MACROD2: variants seen among roughly 807,000 people sequenced by gnomAD.
MACROD2 encodes the protein mono-ADP ribosylhydrolase 2, also known as ADP-ribose glycohydrolase MACROD2.
In MACROD2, 36 loss-of-function variants were observed where a neutral mutation model predicts 70.4. That is an observed-to-expected ratio of 0.51 (90% CI 0.39 to 0.68). MACROD2 has a LOEUF of 0.68. Ranked by LOEUF, MACROD2 falls within the 30% of genes least tolerant of loss-of-function variation. MACROD2 has a pLI of 0.00. For missense variants in MACROD2, 496 were observed against 538.4 expected, an observed-to-expected ratio of 0.92 and a Z score of 0.78; for synonymous variants, 172 against 178.8, an observed-to-expected ratio of 0.96 and a Z score of 0.30.
intron 6 of MACROD2, among the ~76,000 whole-genome samples, chr20:15,410,405 G>A (rs940696224): frequency 2.0e-5 from 3 of 151,980 alleles, no homozygotes; most frequent in Non-Finnish European, 4.4e-5. Flanking sequence ...ACCTTCCTTC[G>A]GTATATTTGA....
chr20:14,424,039 G>A (rs1349091218), intron 3 of MACROD2, among the ~76,000 whole-genome samples: 1 of 151,990 alleles, frequency 6.6e-6, no homozygotes, highest in Admixed American at 6.5e-5. Context: ...TGGGATTACA[G>A]GCATGAGCCA....
intron 5 of MACROD2, among the ~76,000 whole-genome samples, chr20:14,705,827 G>A (rs2071262222): frequency 6.6e-6 from 1 of 152,036 alleles, no homozygotes; most frequent in South Asian, 2.1e-4. Context: ...TAGATGTTTT[G>A]CTTCAAGTAT....
rs139588236 is a variant in MACROD2 at position 15,444,884 on chromosome 20, T to G, written c.571+13449T>G. On this transcript the variant is annotated intron_variant, in intron 7 of 17. Coordinates refer to ENST00000684519, the MANE Select transcript of MACROD2 (RefSeq NM_001351661.2). Reference sequence around the variant, plus strand: ...AATAATGCCTATATCATGGGGTTGTTGCAAAGATTAATTGGATAATGCATT... The same window carrying G: ...AATAATGCCTATATCATGGGGTTGTGGCAAAGATTAATTGGATAATGCATT... Among the ~76,000 whole-genome samples, 16 of 152,262 alleles carry G rather than the reference T, an allele frequency of 1.1e-4. No individual in the cohort carries two copies. In the East Asian group the frequency reaches 2.9e-3, roughly 28 times the overall value.
At chr20:15,578,793 G>T (rs73897702) in intron 8 of MACROD2, among the ~76,000 whole-genome samples, 7,092 of 152,094 alleles carry the variant, frequency 0.047, 378 homozygotes, top group African/African-American at 0.12. Context: ...TGCATCTTCA[G>T]GTACTTTATG....
chr20:15,012,169 T>C (rs572997089), intron 5 of MACROD2, among the ~76,000 whole-genome samples: 2 of 152,172 alleles, frequency 1.3e-5, no homozygotes, highest in African/African-American at 4.8e-5. Context: ...TCTTAATTGG[T>C]GGTGGGAACT....
At chr20:15,397,498 C>T (rs2045875233) in intron 6 of MACROD2, among the ~76,000 whole-genome samples, 1 of 152,040 alleles carries the variant, frequency 6.6e-6, no homozygotes, top group Admixed American at 6.6e-5. Context: ...CAGGTTTTCA[C>T]CAAGTTGCTC....
At chr20:15,250,736 C>T (rs546680519) in intron 6 of MACROD2, among the ~76,000 whole-genome samples, 9 of 152,264 alleles carry the variant, frequency 5.9e-5, no homozygotes, top group African/African-American at 2.2e-4. Flanking sequence ...GATCTCAGCT[C>T]TGTCTTCTCT....
At chr20:15,595,271 AC>A (rs1194894772) in intron 8 of MACROD2, among the ~76,000 whole-genome samples, 3 of 152,222 alleles carry the variant, frequency 2.0e-5, no homozygotes, top group Admixed American at 6.5e-5. Context: ...AATTTATGTT[AC>A]GTATAGTTCA....
At chr20:15,647,722 ATTT>A (rs34556344) in intron 8 of MACROD2, among the ~76,000 whole-genome samples, 2 of 142,462 alleles carry the variant, frequency 1.4e-5, no homozygotes, top group Admixed American at 7.1e-5. Context: ...ACAATAGATG[ATTT>A]TTTTTTTTTT....
intron 5 of MACROD2, among the ~76,000 whole-genome samples, chr20:14,685,430 G>A (rs1166488905): frequency 1.3e-5 from 2 of 152,162 alleles, no homozygotes; most frequent in Non-Finnish European, 2.9e-5. Flanking sequence ...TACAGCCAAG[G>A]CATCTGTCAC....
chr20:15,914,210 G>A (rs1351393840), intron 10 of MACROD2, among the ~76,000 whole-genome samples: 1 of 152,154 alleles, frequency 6.6e-6, no homozygotes, highest in Non-Finnish European at 1.5e-5. Flanking sequence ...ACAGAGAATC[G>A]GTCCCAGAAT....
intron 3 of MACROD2, among the ~76,000 whole-genome samples, chr20:14,299,967 G>C (rs948555625): frequency 3.3e-5 from 5 of 152,050 alleles, no homozygotes; most frequent in Non-Finnish European, 5.9e-5. Flanking sequence ...ATTTAGGATT[G>C]TAATGTCACA....
At chr20:15,841,583 AT>A (rs2064170939) in intron 8 of MACROD2, among the ~76,000 whole-genome samples, 1 of 152,120 alleles carries the variant, frequency 6.6e-6, no homozygotes, top group Admixed American at 6.6e-5. Context: ...AAGAACTCAC[AT>A]TGTGAGAACA....
At chr20:15,652,476 C>T (rs781650461) in intron 8 of MACROD2, among the ~76,000 whole-genome samples, 16 of 152,028 alleles carry the variant, frequency 1.1e-4, no homozygotes, top group Admixed American at 5.9e-4. Context: ...TAGAAAAGAT[C>T]GAAAAGAGAA....
intron 6 of MACROD2, among the ~76,000 whole-genome samples, chr20:15,401,015 G>A (rs6110592): frequency 6.6e-6 from 1 of 151,990 alleles, no homozygotes; most frequent in East Asian, 1.9e-4. Flanking sequence ...CGGCAACTCA[G>A]GTAACGGATC....
At chr20:15,571,771 G>T (rs1236253419) in intron 8 of MACROD2, among the ~76,000 whole-genome samples, 1 of 152,086 alleles carries the variant, frequency 6.6e-6, no homozygotes, top group African/African-American at 2.4e-5. Context: ...TATTCTTAGA[G>T]AACTAATCTG....
At chr20:14,156,372 T>C (rs950365907) in intron 3 of MACROD2, among the ~76,000 whole-genome samples, 1 of 152,172 alleles carries the variant, frequency 6.6e-6, no homozygotes, top group Admixed American at 6.5e-5. Context: ...ACTATTTGCG[T>C]TTGCGGTATT....
chr20:14,580,339 AC>A (rs1191978341), intron 4 of MACROD2, among the ~76,000 whole-genome samples: 1 of 152,166 alleles, frequency 6.6e-6, no homozygotes, highest in Non-Finnish European at 1.5e-5. Context: ...ATCCGTACAG[AC>A]TTAATATGCA....
chr20:14,964,079 AT>A lies in MACROD2; in HGVS notation c.419-265853del, dbSNP rs1001695761. On this transcript the variant is annotated intron_variant, in intron 5 of 17. Coordinates refer to ENST00000684519, the MANE Select transcript of MACROD2 (RefSeq NM_001351661.2). ...TTTTTTTTCTTCTCTGTATAAGGTGATTTTTTTTCTTCTCTGTATAACAAAT... is the reference window on the plus strand; with the variant it reads ...TTTTTTTTCTTCTCTGTATAAGGTGATTTTTTTCTTCTCTGTATAACAAAT... Among the ~76,000 whole-genome samples the A allele has an allele frequency of 2.8e-4, 43 of 151,578 alleles. 1 individual carries two copies. Among genetic ancestry groups the A allele is most frequent in the Non-Finnish European group, 5.3e-4 (36 of 67,900 alleles).
Sources: gnomAD v4.1 joint callset for allele counts (sites outside exome capture counted in the v4.1 genomes callset) on GRCh38, gnomAD v4.1.1 for gene constraint, MANE v1.5 for transcripts, NCBI Gene and HGNC (gene_info 2026-07-23, HGNC 2026-07-21) for gene names.